CCDC7: variants seen among roughly 807,000 people sequenced by gnomAD.
The protein encoded by CCDC7 is coiled-coil domain containing 7.
A neutral mutation model predicts 196.9 loss-of-function variants in CCDC7; 183 were observed. That is an observed-to-expected ratio of 0.93 (90% confidence interval 0.82 to 1.05). The LOEUF (loss-of-function observed/expected upper bound fraction) is 1.05, where lower values mean the gene tolerates loss of function less well. Ranked by LOEUF, CCDC7 falls within the 50% of genes least tolerant of loss-of-function variation. The pLI is 0.00. For synonymous variants in CCDC7, 525 were observed against 484.6 expected (o/e 1.08, Z -1.10); for missense variants, 1,540 against 1,482.2 (o/e 1.04, Z -0.64).
chr10:32,783,772 C>A (rs537206055), intron 29 of CCDC7, among the ~76,000 whole-genome samples: 1 of 152,170 alleles, frequency 6.6e-6, no homozygotes, highest in East Asian at 1.9e-4. Flanking sequence ...AATGCAGAAA[C>A]AAAATATGGT....
intron 13 of CCDC7, among the ~76,000 whole-genome samples, chr10:32,549,158 C>A (rs1164629529): frequency 6.6e-6 from 1 of 152,080 alleles, no homozygotes; most frequent in African/African-American, 2.4e-5. Context: ...TTTCCCTGAT[C>A]ATTCATGATG....
rs2065413457 is a variant in CCDC7, at chr10:32,635,045, T to A, written c.1913-12T>A. 2.5e-6 allele frequency: 1 copy of A among 398,562 alleles called. No homozygotes were observed. The highest frequency in any genetic ancestry group is 3.6e-5 in the East Asian group (1 of 27,990). 24.7% of individuals were successfully genotyped at this position (398,562 alleles called of 1,614,324 possible). On this transcript the variant is annotated splice_polypyrimidine_tract_variant and intron_variant, in intron 19 of 41. Transcript: ENST00000639629. ...TACAGAAGTTTTATCATAGATCTGT[T>A]TTTCTGTTCAGAGACTCTTACAACC...
chr10:32,868,274 T>A (rs977750066), intron 41 of CCDC7, among the ~76,000 whole-genome samples: 3 of 152,096 alleles, frequency 2.0e-5, no homozygotes, highest in Non-Finnish European at 4.4e-5. Flanking sequence ...GGTATATAAA[T>A]GAAAGTGGAA....
At chr10:32,510,106 A>G (rs901415366) in intron 9 of CCDC7, among the ~76,000 whole-genome samples, 5 of 152,204 alleles carry the variant, frequency 3.3e-5, no homozygotes, top group Admixed American at 3.3e-4. Context: ...AGTAGCCAAA[A>G]TATGGAAACA....
chr10:32,568,087 A>G (rs1290604455), intron 15 of CCDC7, among the ~76,000 whole-genome samples, 196 bp downstream of exon 16: 1 of 147,836 alleles, frequency 6.8e-6, no homozygotes, highest in African/African-American at 2.5e-5. Context: ...GCTCACTGCA[A>G]CCTCCAACTC....
chr10:32,462,686 TTGGAATCTCTTTTTAAG>T lies in CCDC7; in HGVS notation c.461_477del (p.Glu155ValfsTer13), dbSNP rs2035982880. 2.8e-6 allele frequency: 4 copies of T among 1,450,138 alleles called. No homozygotes were observed. The highest frequency in any genetic ancestry group is 2.8e-6 in the Non-Finnish European group (3 of 1,063,528). The allele number at this position is 1,450,138 out of a possible 1,614,324, so 89.8% of individuals were successfully genotyped here. A position where few individuals can be genotyped will look rare whatever the true frequency, so the allele number is the denominator to read the frequency against. On this transcript the variant is annotated frameshift_variant and splice_region_variant, in exon 4 of 42. Coordinates refer to ENST00000639629, the Ensembl canonical transcript of CCDC7. LOFTEE classifies it high-confidence loss of function. The stretch of plus-strand genomic sequence containing the variant: ...TAATTAAAACTTTATTTTTCAGATT[TTGGAATCTCTTTTTAAG>T]GTACGTTCAATATATTACAGCTTAA...
At chr10:32,546,037 C>T (rs931199992) in intron 13 of CCDC7, among the ~76,000 whole-genome samples, 5 of 151,502 alleles carry the variant, frequency 3.3e-5, no homozygotes, top group African/African-American at 1.2e-4. Context: ...AGACCAAAGA[C>T]TGGGCTGAAT....
At chr10:32,698,538 CGAGAACTATGT>C (rs1006516209) in intron 24 of CCDC7, among the ~76,000 whole-genome samples, 1 of 151,984 alleles carries the variant, frequency 6.6e-6, no homozygotes, top group African/African-American at 2.4e-5. Flanking sequence ...AACCATGGCA[CGAGAACTATGT>C]GATGCATGCA....
At chr10:32,563,652 A>C (rs1389049222) in intron 13 of CCDC7, among the ~76,000 whole-genome samples, 1 of 152,220 alleles carries the variant, frequency 6.6e-6, no homozygotes, top group African/African-American at 2.4e-5. Context: ...AATTAATTCA[A>C]GATGGATTAA....
chr10:32,447,248 C>G (rs1393785540), upstream of CCDC7, among the ~76,000 whole-genome samples: 2 of 152,114 alleles, frequency 1.3e-5, no homozygotes, highest in African/African-American at 4.8e-5. Flanking sequence ...TCCATGTTGC[C>G]AAATCCAGTG....
At chr10:32,657,312 A>T (rs1171905791) in intron 20 of CCDC7, among the ~76,000 whole-genome samples, 2 of 152,162 alleles carry the variant, frequency 1.3e-5, no homozygotes, top group East Asian at 3.9e-4. Flanking sequence ...TCCCTTCTAC[A>T]CTGCCCTAGC....
intron 5 of CCDC7, among the ~76,000 whole-genome samples, chr10:32,465,735 T>TG (rs1185715072): frequency 6.6e-6 from 1 of 152,232 alleles, no homozygotes; most frequent in Non-Finnish European, 1.5e-5. Flanking sequence ...ATAAACCTCT[T>TG]GCTCAAAATG....
At chr10:32,776,527 T>C (rs896430534) in intron 28 of CCDC7, among the ~76,000 whole-genome samples, 1 of 152,192 alleles carries the variant, frequency 6.6e-6, no homozygotes, top group African/African-American at 2.4e-5. Context: ...GAAGAATCAA[T>C]TCATTCCAGG....
Position 32,643,833 on chromosome 10 carries a change from T to TTTTTGAAAATTAATTTTCAAAATAA in CCDC7, c.2014+8698_2014+8699insAATTTTGAAAATTAATTTTCAAAAT, listed in dbSNP as rs2067263681. 1.9e-4 allele frequency among the ~76,000 whole-genome samples: 28 copies of TTTTTGAAAATTAATTTTCAAAATAA among 149,446 alleles called. 1 individual carries two copies. In the South Asian group the frequency reaches 5.9e-3, roughly 32 times the overall value. On this transcript the variant is annotated intron_variant, in intron 20 of 41. Transcript: ENST00000639629. ...TTATTTTGAAAATTAATTTGGTCTT[T>TTTTTGAAAATTAATTTTCAAAATAA]TTTTGAAAATTAATTTTCAAAATTA...
intron 23 of CCDC7, 82 bp from the exon 25 acceptor site, chr10:32,694,797 A>G (rs1591671496): frequency 1.3e-6 from 1 of 754,270 alleles, no homozygotes; most frequent in African/African-American, 1.8e-5. Context: ...AAATTTTGCT[A>G]CACAATTACA....
chr10:32,871,894 C>T (rs891748871), intron 41 of CCDC7, among the ~76,000 whole-genome samples: 1 of 152,162 alleles, frequency 6.6e-6, no homozygotes, highest in African/African-American at 2.4e-5. Context: ...GTTCAGTTTC[C>T]ATGTCCTTGA....
intron 13 of CCDC7, among the ~76,000 whole-genome samples, chr10:32,555,446 A>T (rs993731925): frequency 2.6e-5 from 4 of 151,980 alleles, no homozygotes; most frequent in African/African-American, 9.7e-5. Context: ...GGGTTTCACC[A>T]TGTTGGCCAG....
intron 18 of CCDC7, among the ~76,000 whole-genome samples, chr10:32,610,091 A>C (rs145190474): frequency 6.6e-6 from 1 of 151,576 alleles, no homozygotes; most frequent in Non-Finnish European, 1.5e-5. Context: ...TAGGGGGTAC[A>C]TATGCAGATT....
chr10:32,623,476 T>C (rs1332009137), intron 18 of CCDC7, among the ~76,000 whole-genome samples: 2 of 152,220 alleles, frequency 1.3e-5, no homozygotes, highest in African/African-American at 2.4e-5. Context: ...ATTTCTATTC[T>C]GTTTTATTGA....
Sources: allele counts gnomAD v4.1 joint callset (sites outside exome capture counted in the v4.1 genomes callset), GRCh38; gene constraint gnomAD v4.1.1; transcripts MANE v1.5; gene names NCBI Gene and HGNC (gene_info 2026-07-23, HGNC 2026-07-21).